The following CELF2 variants were observed in gnomAD, a reference collection of about 807,000 sequenced individuals.
CELF2 encodes CUG triplet repeat RNA-binding protein 2.
A neutral mutation model predicts 62.6 loss-of-function variants in CELF2; 8 were observed. The ratio of observed to expected loss-of-function variants is 0.13; its 90% CI spans 0.07 to 0.23. The LOEUF is 0.23. Ranked by LOEUF, CELF2 falls within the 10% of genes least tolerant of loss-of-function variation. The pLI, the probability that CELF2 is intolerant of heterozygous loss-of-function variation, is 1.00. For synonymous variants in CELF2, 258 were observed against 250.0 expected (o/e 1.03, Z -0.30); for missense variants, 333 against 671.0 (o/e 0.50, Z 5.56).
At chr10:10,805,185 G>C (rs989091153) in intron 1 of CELF2, among the ~76,000 whole-genome samples, 1 of 152,214 alleles carries the variant, frequency 6.6e-6, no homozygotes, top group Non-Finnish European at 1.5e-5. Flanking sequence ...AGTGATACTT[G>C]TAAAGTTCCG....
chr10:10,629,171 A>G, the CELF2 span, among the ~76,000 whole-genome samples: 1 of 152,074 alleles, frequency 6.6e-6, no homozygotes, highest in African/African-American at 2.4e-5. Context: ...TCTAGGAGGT[A>G]CAGATTTTTC....
intron 4 of CELF2, among the ~76,000 whole-genome samples, chr10:11,251,270 A>ATTTTTTTTTT (rs66615560): frequency 4.7e-5 from 3 of 63,308 alleles, no homozygotes; most frequent in Non-Finnish European, 5.3e-5. Flanking sequence ...ACACAAAGGG[A>ATTTTTTTTTT]TTTTTTTTTT....
At chr10:11,020,050 A>T (rs1003496704) in intron 1 of CELF2, among the ~76,000 whole-genome samples, 1 of 152,210 alleles carries the variant, frequency 6.6e-6, no homozygotes, top group East Asian at 1.9e-4. Flanking sequence ...TAAATTATGA[A>T]TTACAAAAAT....
chr10:11,092,264 G>T (rs930132276), intron 1 of CELF2: 1 of 152,114 alleles, frequency 6.6e-6, no homozygotes, highest in Non-Finnish European at 1.5e-5. Flanking sequence ...TTTTAAACAC[G>T]TTTTAAGAAA....
intron 1 of CELF2, among the ~76,000 whole-genome samples, chr10:11,037,945 C>CT (rs1453624339): frequency 1.4e-5 from 2 of 144,916 alleles, no homozygotes; most frequent in Non-Finnish European, 3.0e-5. Context: ...CTTGAGATTT[C>CT]TTTGTTTTGG....
chr10:10,711,438 G>C, the CELF2 span, among the ~76,000 whole-genome samples: 11 of 152,264 alleles, frequency 7.2e-5, no homozygotes, highest in East Asian at 1.9e-3. Context: ...AAGGATACTG[G>C]GTTGCATTTG....
upstream of CELF2, among the ~76,000 whole-genome samples, chr10:11,015,140 C>T (rs2057068585): frequency 6.6e-6 from 1 of 152,154 alleles, no homozygotes; most frequent in Non-Finnish European, 1.5e-5. The surrounding 1 kb of genome is among the most constrained non-coding windows in gnomAD (Gnocchi z 4.8). Flanking sequence ...ACTGCCAAAA[C>T]ATGATACCTG....
At chr10:10,861,213 A>G (rs966654421) in intron 1 of CELF2, among the ~76,000 whole-genome samples, 9 of 152,134 alleles carry the variant, frequency 5.9e-5, no homozygotes, top group African/African-American at 2.2e-4. Flanking sequence ...ATCTTGGACT[A>G]CAGGTGCATC....
In CELF2 at chr10:10,959,957, C is replaced by T. The variant is rs145579982; in HGVS notation, c.89+39958C>T. Reference sequence around the variant, plus strand: ...AAAACTGAAAAAAGATTTGCATCAACATGCTTTTATTCCAGCACTGTGGTT... The same window carrying T: ...AAAACTGAAAAAAGATTTGCATCAATATGCTTTTATTCCAGCACTGTGGTT... On this transcript the variant is annotated intron_variant, in intron 2 of 13. Coordinates refer to the CELF2 transcript ENST00000636488. 4.1e-4 allele frequency among the ~76,000 whole-genome samples: 62 copies of T among 152,348 alleles called. 2 individuals carry two copies. The highest frequency in any genetic ancestry group is 1.3e-3 in the African/African-American group (56 of 41,584).
chr10:10,796,245 C>T (rs1408371502), upstream of CELF2, among the ~76,000 whole-genome samples: 1 of 152,168 alleles, frequency 6.6e-6, no homozygotes, highest in Non-Finnish European at 1.5e-5. Flanking sequence ...GGGAGTACAA[C>T]TCATAACTTA....
the CELF2 span, among the ~76,000 whole-genome samples, chr10:10,668,543 C>T: frequency 6.6e-6 from 1 of 152,228 alleles, no homozygotes; most frequent in Non-Finnish European, 1.5e-5. Flanking sequence ...TGCATCATGT[C>T]AAAGACACTT....
the CELF2 span, among the ~76,000 whole-genome samples, chr10:10,611,409 C>T: frequency 1.1e-4 from 16 of 152,266 alleles, no homozygotes; most frequent in African/African-American, 3.4e-4. Flanking sequence ...AAACCTGCCA[C>T]CCCAGATAAA....
the CELF2 span, among the ~76,000 whole-genome samples, chr10:10,516,035 A>G: frequency 2.6e-5 from 4 of 152,330 alleles, no homozygotes; most frequent in Admixed American, 2.6e-4. Flanking sequence ...AACCATGGAA[A>G]GCAGATACTG....
the CELF2 span, among the ~76,000 whole-genome samples, chr10:10,608,869 G>T: frequency 6.6e-6 from 1 of 152,158 alleles, no homozygotes; most frequent in South Asian, 2.1e-4. Flanking sequence ...AGAACTAAAA[G>T]TACTTGTAAA....
chr10:11,277,952 G>C (rs968466850), intron 8 of CELF2, among the ~76,000 whole-genome samples: 4 of 152,128 alleles, frequency 2.6e-5, no homozygotes, highest in Non-Finnish European at 5.9e-5. Flanking sequence ...GTCCAGCCTG[G>C]AATACTATCA....
chr10:10,750,574 T>A, the CELF2 span, among the ~76,000 whole-genome samples: 1 of 152,280 alleles, frequency 6.6e-6, no homozygotes, highest in Admixed American at 6.5e-5. Context: ...GATTAAATAC[T>A]GTCCATTTCC....
chr10:11,134,835 G>A lies in CELF2; in HGVS notation c.75-30651G>A, dbSNP rs75083249. Among the ~76,000 whole-genome samples the A allele has an allele frequency of 1.7e-4, 26 of 152,278 alleles. 1 individual carries two copies. The East Asian group carries it at 4.8e-3, about 28-fold the overall frequency. ...AGTTCCTCCTGATAGGAAGTGGCAGGGAAATGCAGTGAATCTAAGGAGGGG... is the reference window on the plus strand; with the variant it reads ...AGTTCCTCCTGATAGGAAGTGGCAGAGAAATGCAGTGAATCTAAGGAGGGG... On this transcript the variant is annotated intron_variant, in intron 1 of 12. Transcript: ENST00000633077.
At chr10:10,495,739 C>T in the CELF2 span, among the ~76,000 whole-genome samples, 7 of 152,240 alleles carry the variant, frequency 4.6e-5, no homozygotes, top group East Asian at 5.8e-4. Context: ...CACAATGGAC[C>T]GTGCCCAGGG....
the CELF2 span, among the ~76,000 whole-genome samples, chr10:10,568,612 T>C: frequency 1.3e-5 from 2 of 152,228 alleles, no homozygotes; most frequent in Admixed American, 1.3e-4. Context: ...ACAGCAATAC[T>C]GGTACCTTTC....
Sources: allele counts gnomAD v4.1 joint callset (sites outside exome capture counted in the v4.1 genomes callset), GRCh38; gene constraint gnomAD v4.1.1; non-coding constraint Gnocchi (gnomAD v3.1); transcripts MANE v1.5; gene names NCBI Gene and HGNC (gene_info 2026-07-23, HGNC 2026-07-21).